The following CNTNAP2 variants were observed in gnomAD, a reference collection of about 807,000 sequenced individuals.
CNTNAP2 encodes the protein contactin-associated protein-like 2.
In CNTNAP2, 98 loss-of-function variants were observed where a neutral mutation model predicts 155.2. The ratio of observed to expected loss-of-function variants is 0.63; its 90% CI spans 0.54 to 0.75. CNTNAP2 has a LOEUF of 0.75. CNTNAP2 is among the 30% of genes least tolerant of loss of function. The probability of loss-of-function intolerance (pLI) is 0.00; values close to 1 mark genes in which losing one functional copy is unlikely to be tolerated. For synonymous variants in CNTNAP2, 651 were observed against 631.2 expected (o/e 1.03, Z -0.47); for missense variants, 1,727 against 1,688.1 (o/e 1.02, Z -0.40).
intron 18 of CNTNAP2, among the ~76,000 whole-genome samples, chr7:148,211,308 G>A (rs886474904): frequency 6.6e-6 from 1 of 152,232 alleles, no homozygotes; most frequent in African/African-American, 2.4e-5. Context: ...AGAGGTAGGA[G>A]AGCGCATTGG....
chr7:146,683,951 C>T (rs1290958465), intron 1 of CNTNAP2, among the ~76,000 whole-genome samples: 3 of 152,132 alleles, frequency 2.0e-5, no homozygotes, highest in African/African-American at 4.8e-5. Context: ...AGCAGCTACA[C>T]CTTTCACTGG....
At chr7:148,024,827 A>C (rs1202678807) in intron 15 of CNTNAP2, among the ~76,000 whole-genome samples, 1 of 152,174 alleles carries the variant, frequency 6.6e-6, no homozygotes, top group Non-Finnish European at 1.5e-5. Context: ...ACACCAGAGA[A>C]GCCCCCTGCC....
intron 1 of CNTNAP2, among the ~76,000 whole-genome samples, chr7:146,533,810 C>T (rs926746481): frequency 1.3e-5 from 2 of 151,988 alleles, no homozygotes; most frequent in South Asian, 2.1e-4. Flanking sequence ...ATGTAATATT[C>T]AGTTTTGTTT....
At chr7:147,154,936 A>C (rs1338550090) in intron 8 of CNTNAP2, among the ~76,000 whole-genome samples, 1 of 152,164 alleles carries the variant, frequency 6.6e-6, no homozygotes, top group East Asian at 1.9e-4. Context: ...GAAAGTGGAA[A>C]TCACCCAGTT....
At chr7:146,145,250 C>T (rs1428841981) in intron 1 of CNTNAP2, among the ~76,000 whole-genome samples, 1 of 152,156 alleles carries the variant, frequency 6.6e-6, no homozygotes, top group Non-Finnish European at 1.5e-5. Flanking sequence ...AAAGCGTGAC[C>T]AGCTGAGTCA....
chr7:148,201,714 G>A (rs771792712), intron 18 of CNTNAP2, among the ~76,000 whole-genome samples: 5 of 151,986 alleles, frequency 3.3e-5, no homozygotes, highest in Non-Finnish European at 5.9e-5. Context: ...GGCAGGCAGC[G>A]TGCATTTTAA....
At chr7:146,189,227 T>C (rs962932188) in intron 1 of CNTNAP2, among the ~76,000 whole-genome samples, 3 of 152,174 alleles carry the variant, frequency 2.0e-5, no homozygotes, top group Admixed American at 6.6e-5. Flanking sequence ...ATAACATTTC[T>C]TGTCTCACAA....
intron 1 of CNTNAP2, among the ~76,000 whole-genome samples, chr7:146,406,692 G>A (rs140856131): frequency 1.3e-5 from 2 of 152,180 alleles, no homozygotes; most frequent in East Asian, 3.9e-4. Context: ...TCACACAGAG[G>A]GGACTACACC....
chr7:146,561,207 A>G (rs2129144375), intron 1 of CNTNAP2, among the ~76,000 whole-genome samples: 1 of 152,234 alleles, frequency 6.6e-6, no homozygotes, highest in African/African-American at 2.4e-5. Flanking sequence ...ATAGAAGAGG[A>G]ACTACCCCCT....
At chr7:146,438,813 A>G (rs909050754) in intron 1 of CNTNAP2, among the ~76,000 whole-genome samples, 2 of 151,492 alleles carry the variant, frequency 1.3e-5, no homozygotes, top group Admixed American at 1.3e-4. Flanking sequence ...AAACATTTAG[A>G]GTGGACACCA....
intron 11 of CNTNAP2, among the ~76,000 whole-genome samples, chr7:147,541,839 T>C (rs1799645657): frequency 6.6e-6 from 1 of 152,218 alleles, no homozygotes; most frequent in East Asian, 1.9e-4. Flanking sequence ...AGTTTATATA[T>C]GTGCCCCACT....
chr7:146,725,024 G>A (rs1052678558), intron 1 of CNTNAP2, among the ~76,000 whole-genome samples: 3 of 152,072 alleles, frequency 2.0e-5, no homozygotes, highest in Non-Finnish European at 4.4e-5. Flanking sequence ...TTTTCTGGAG[G>A]TTCTGAGTGA....
chr7:146,887,436 C>A (rs986861697), intron 3 of CNTNAP2, among the ~76,000 whole-genome samples: 4 of 151,972 alleles, frequency 2.6e-5, no homozygotes, highest in African/African-American at 4.8e-5. Flanking sequence ...GCCGAGGCAG[C>A]GGATCACCTG....
chr7:146,389,644 T>C (rs954428461), intron 1 of CNTNAP2, among the ~76,000 whole-genome samples: 1 of 151,402 alleles, frequency 6.6e-6, no homozygotes, highest in Non-Finnish European at 1.5e-5. Context: ...ATTTTTATCA[T>C]CCCTGCATTG....
intron 15 of CNTNAP2, among the ~76,000 whole-genome samples, chr7:147,992,222 G>A (rs536214302): frequency 6.8e-6 from 1 of 148,106 alleles, no homozygotes; most frequent in Admixed American, 6.9e-5. Context: ...AGCCTCCCAA[G>A]TAGATGGGAT....
At chr7:146,722,096 GC>G (rs1801347277) in intron 1 of CNTNAP2, among the ~76,000 whole-genome samples, 2 of 151,032 alleles carry the variant, frequency 1.3e-5, no homozygotes, top group African/African-American at 2.5e-5. Flanking sequence ...CACCATGTTG[GC>G]CAGGCTGGTT....
intron 8 of CNTNAP2, among the ~76,000 whole-genome samples, chr7:147,194,113 G>C (rs552800171): frequency 6.6e-6 from 1 of 151,138 alleles, no homozygotes; most frequent in South Asian, 2.1e-4. Context: ...CCTGGTGTGT[G>C]ATGTTCCCCT....
chr7:146,520,035 C>T (rs1477384575), intron 1 of CNTNAP2, among the ~76,000 whole-genome samples: 1 of 151,488 alleles, frequency 6.6e-6, no homozygotes, highest in Non-Finnish European at 1.5e-5. Context: ...TTCTTAGAGA[C>T]TTAGAATATA....
At chr7:146,290,240 C>T (rs527502087) in intron 1 of CNTNAP2, among the ~76,000 whole-genome samples, 1 of 152,194 alleles carries the variant, frequency 6.6e-6, no homozygotes, top group South Asian at 2.1e-4. Context: ...TTTTTTATGG[C>T]TCCATTTAAA....
Sources: gnomAD v4.1 joint callset for allele counts (sites outside exome capture counted in the v4.1 genomes callset) on GRCh38, gnomAD v4.1.1 for gene constraint, MANE v1.5 for transcripts, NCBI Gene and HGNC (gene_info 2026-07-23, HGNC 2026-07-21) for gene names.